The following COG5 variants were observed in gnomAD, a reference collection of about 807,000 sequenced individuals.
COG5 encodes component of oligomeric golgi complex 5.
Under a neutral mutation model 110.4 loss-of-function variants are expected in COG5, and 86 were observed. The ratio of observed to expected loss-of-function variants is 0.78; its 90% confidence interval spans 0.65 to 0.93. The LOEUF is 0.93. COG5 is among the 40% of genes least tolerant of loss of function. The pLI is 0.00. For synonymous variants in COG5, 360 were observed against 334.6 expected, an observed-to-expected ratio of 1.08 and a Z score of -0.83; for missense variants, 1,077 against 987.0, an observed-to-expected ratio of 1.09 and a Z score of -1.22.
rs535497079 is a variant in COG5 at position 107,316,786 on chromosome 7, G to A, written c.1108+7654C>T. Among the ~76,000 whole-genome samples, 285 of 37,052 alleles carry A rather than the reference G, an allele frequency of 7.7e-3. 2 individuals are homozygous for A. Among genetic ancestry groups the A allele is most frequent in the African/African-American group, 0.036 (268 of 7,346 alleles). The allele number at this position is 37,052 out of a possible 152,430, so 24.3% of individuals were successfully genotyped here. A position where few individuals can be genotyped will look rare whatever the true frequency, so the allele number is the denominator to read the frequency against. On this transcript the variant is annotated intron_variant, in intron 11 of 21. Coordinates refer to ENST00000297135, the MANE Select transcript of COG5 (RefSeq NM_006348.5). Reference sequence around the variant, plus strand: ...GGCGGAGCTTGCAGTCAATGGAGATGCACCACTGCACTCCAGCCGGGGGGA... The same window carrying A: ...GGCGGAGCTTGCAGTCAATGGAGATACACCACTGCACTCCAGCCGGGGGGA...
At chr7:107,225,621 T>TC (rs1800277103) in intron 19 of COG5, among the ~76,000 whole-genome samples, 1 of 152,214 alleles carries the variant, frequency 6.6e-6, no homozygotes, top group African/African-American at 2.4e-5. Flanking sequence ...GCTCAGGTCC[T>TC]CCCACCTTAG....
chr7:107,481,962 C>T (rs1340153009), intron 6 of COG5, among the ~76,000 whole-genome samples: 1 of 151,836 alleles, frequency 6.6e-6, no homozygotes, highest in Non-Finnish European at 1.5e-5. Context: ...GAATTGAAAA[C>T]AAATTTTTAA....
At chr7:107,260,152 CATA>C (rs995807613) in intron 14 of COG5, among the ~76,000 whole-genome samples, 10 of 149,740 alleles carry the variant, frequency 6.7e-5, no homozygotes, top group African/African-American at 1.7e-4. Context: ...AGCATTTATT[CATA>C]ATAATAAGAA....
chr7:107,208,021 T>G, intron 21 of COG5: 2 of 985,442 alleles, frequency 2.0e-6, no homozygotes, highest in Non-Finnish European at 2.4e-6. Flanking sequence ...TCACCCTCGG[T>G]TTGTCTACAG....
rs188480494 is a variant in COG5, at chr7:107,271,093, T to A, written c.1575+10207A>T. On this transcript the variant is annotated intron_variant, in intron 14 of 21. Coordinates refer to ENST00000297135, the MANE Select transcript of COG5 (RefSeq NM_006348.5). ...CATTGTTCCTCTTCTTAAAAAAGTG[T>A]CTTGATTGCCAGGTGTGGTAACTCA... 1.2e-3 allele frequency among the ~76,000 whole-genome samples: 179 copies of A among 151,964 alleles called. 2 individuals carry two copies. The highest frequency in any genetic ancestry group is 4.1e-3 in the African/African-American group (170 of 41,426).
chr7:107,255,771 T>C (rs1471935360), intron 16 of COG5, among the ~76,000 whole-genome samples: 1 of 152,082 alleles, frequency 6.6e-6, no homozygotes, highest in Non-Finnish European at 1.5e-5. Flanking sequence ...GCTGGTTAAA[T>C]AGCTGAGATA....
chr7:107,397,847 T>C (rs535821477), intron 7 of COG5, among the ~76,000 whole-genome samples: 57 of 152,036 alleles, frequency 3.7e-4, no homozygotes, highest in African/African-American at 1.3e-3. Flanking sequence ...AAAACCATTA[T>C]GGGAAAGACT....
At chr7:107,254,938 T>C (rs550125621) in intron 16 of COG5, among the ~76,000 whole-genome samples, 198 of 152,240 alleles carry the variant, frequency 1.3e-3, no homozygotes, top group Non-Finnish European at 2.6e-3. Flanking sequence ...TAGACTAGCA[T>C]AGAAAATATT....
chr7:107,219,040 T>G (rs372853070), intron 19 of COG5, among the ~76,000 whole-genome samples: 15 of 152,052 alleles, frequency 9.9e-5, no homozygotes, highest in African/African-American at 2.7e-4. Context: ...AAAACCTGAA[T>G]AGATGTTTCT....
chr7:107,527,038 A>C (rs1800812197), intron 6 of COG5, among the ~76,000 whole-genome samples, 199 bp downstream of exon 6: 1 of 152,204 alleles, frequency 6.6e-6, no homozygotes, highest in Non-Finnish European at 1.5e-5. Flanking sequence ...CTATATAATT[A>C]AAATAAATAG....
At chr7:107,450,659 G>C (rs1458352578) in intron 6 of COG5, among the ~76,000 whole-genome samples, 1 of 152,186 alleles carries the variant, frequency 6.6e-6, no homozygotes, top group African/African-American at 2.4e-5. Context: ...CCATTGTATT[G>C]TGCAAATGCA....
chr7:107,411,245 G>T (rs1038289196), intron 7 of COG5, among the ~76,000 whole-genome samples: 1 of 152,096 alleles, frequency 6.6e-6, no homozygotes, highest in Admixed American at 6.5e-5. Context: ...GCCCTTTCTT[G>T]TTTTGAAATT....
At chr7:107,253,398 T>C (rs921605183) in intron 16 of COG5, among the ~76,000 whole-genome samples, 2 of 152,124 alleles carry the variant, frequency 1.3e-5, no homozygotes, top group African/African-American at 4.8e-5. Context: ...TACAAAAATA[T>C]TGGAGCCTCA....
chr7:107,326,608 T>A (rs753810090), intron 10 of COG5, among the ~76,000 whole-genome samples: 3 of 152,132 alleles, frequency 2.0e-5, no homozygotes, highest in Non-Finnish European at 4.4e-5. Context: ...AAAAAACTTG[T>A]ATACTGAAAA....
In COG5 at chr7:107,283,684, A is replaced by G. The variant is rs1217444372; in HGVS notation, c.1362T>C (p.Tyr454=). 7 of 1,613,962 alleles carry G rather than the reference A, an allele frequency of 4.3e-6. No homozygotes were observed. Among genetic ancestry groups the G allele is most frequent in the Non-Finnish European group, 5.9e-6 (7 of 1,179,984 alleles). The change falls in exon 13 of 22, where the codon TAT becomes TAC. Residue 454 remains tyrosine (Y), a synonymous_variant. Coordinates refer to ENST00000297135, the MANE Select transcript of COG5 (RefSeq NM_006348.5). ...AGAGTCGAGATAAGGATTTTGATAG[A>G]TAAGCAGCCTCATAGGGTTGTAGTG... ...KDSLQPYEAA[Y]LSKSLSRLFD... is the part of the protein sequence containing the mutation.
chr7:107,300,939 G>C (rs971714020), intron 11 of COG5, among the ~76,000 whole-genome samples: 3 of 151,784 alleles, frequency 2.0e-5, no homozygotes, highest in Admixed American at 6.6e-5. Flanking sequence ...CTAGTACTGG[G>C]GTAAAGACAG....
chr7:107,351,494 A>G (rs1475001923), intron 10 of COG5, among the ~76,000 whole-genome samples: 2 of 152,202 alleles, frequency 1.3e-5, no homozygotes, highest in African/African-American at 4.8e-5. Flanking sequence ...CTGCACAGCA[A>G]AAGAAACTAC....
chr7:107,514,574 A>C (rs1039717061), intron 6 of COG5, among the ~76,000 whole-genome samples: 3 of 152,186 alleles, frequency 2.0e-5, no homozygotes, highest in Admixed American at 6.5e-5. Context: ...GCTGCCACAG[A>C]GTTTAAGAAA....
chr7:107,358,554 T>C (rs1020901648), intron 10 of COG5, among the ~76,000 whole-genome samples: 1 of 152,216 alleles, frequency 6.6e-6, no homozygotes, highest in Non-Finnish European at 1.5e-5. Flanking sequence ...CAGGAAATCC[T>C]GATTGCAAGG....
Sources: gnomAD v4.1 joint callset for allele counts (sites outside exome capture counted in the v4.1 genomes callset) on GRCh38, gnomAD v4.1.1 for gene constraint, MANE v1.5 for transcripts, NCBI Gene and HGNC (gene_info 2026-07-23, HGNC 2026-07-21) for gene names.